Variants in PRKCZ observed in about 807,000 individuals in gnomAD.
PRKCZ encodes the protein protein kinase C zeta type.
Under a neutral mutation model 79.5 loss-of-function variants are expected in PRKCZ, and 33 were observed. That is an observed-to-expected ratio of 0.41 (90% CI 0.31 to 0.55). The LOEUF (loss-of-function observed/expected upper bound fraction) is 0.55, where lower values mean the gene tolerates loss of function less well. PRKCZ is among the 20% of genes least tolerant of loss of function. The probability of loss-of-function intolerance (pLI) is 0.19; values close to 1 mark genes in which losing one functional copy is unlikely to be tolerated. For synonymous variants in PRKCZ, 342 were observed against 320.9 expected (o/e 1.07, Z -0.70); for missense variants, 578 against 813.5 (o/e 0.71, Z 3.52).
chr1:2,081,974 T>G (rs1663618621), intron 4 of PRKCZ, among the ~76,000 whole-genome samples: 1 of 152,248 alleles, frequency 6.6e-6, no homozygotes, highest in African/African-American at 2.4e-5. Context: ...TGGGCAGTCC[T>G]CTTTTTTCGG....
chr1:2,110,940 C>G (rs1376308439), intron 4 of PRKCZ, among the ~76,000 whole-genome samples: 2 of 152,060 alleles, frequency 1.3e-5, no homozygotes, highest in African/African-American at 4.8e-5. Flanking sequence ...TGGAAGCTTG[C>G]ACACGTCCCT....
Position 2,055,515 on chromosome 1 carries a change from G to T in PRKCZ, c.146G>T (p.Arg49Leu), listed in dbSNP as rs35271800. 1.2e-5 allele frequency: 20 copies of T among 1,614,064 alleles called. No homozygotes were observed. The highest frequency in any genetic ancestry group is 1.7e-5 in the Non-Finnish European group (20 of 1,179,982). Residue 49 changes from arginine (R) to leucine (L), a missense_variant, in exon 2 of 18, where the codon CGT (arginine) becomes CTT (leucine). By Grantham distance (102) the Arg-to-Leu change is moderately radical. Transcript: ENST00000378567. ...ELCEEVRDMC[R>L]LHQQHPLTLK... ...TGTGAGGAAGTGAGAGACATGTGTC[G>T]TCTGCACCAGCAGCACCCGCTCACC...
intron 4 of PRKCZ, among the ~76,000 whole-genome samples, chr1:2,114,805 A>T (rs1670420992): frequency 6.6e-6 from 1 of 152,218 alleles, no homozygotes; most frequent in Non-Finnish European, 1.5e-5. Flanking sequence ...GAAAAAGCTA[A>T]GATGCAGCAG....
intron 16 of PRKCZ, among the ~76,000 whole-genome samples, chr1:2,176,676 C>T (rs2100441187): frequency 6.6e-6 from 1 of 152,348 alleles, no homozygotes; most frequent in South Asian, 2.1e-4. Context: ...CCAACTTTTC[C>T]AGGCAGCCTC....
chr1:2,087,816 T>TC (rs1371711442), intron 4 of PRKCZ, among the ~76,000 whole-genome samples: 5 of 151,754 alleles, frequency 3.3e-5, no homozygotes, highest in African/African-American at 1.2e-4. Context: ...TGGAAAGGAG[T>TC]CCCCGGAGGC....
At position 2,149,394 on chromosome 1, in the gene PRKCZ, C is replaced by G. The variant is rs536711478; in HGVS notation, c.687+470C>G. On this transcript the variant is annotated intron_variant, in intron 8 of 17. Transcript: ENST00000378567. The surrounding 1 kb of genome is among the most constrained non-coding windows in gnomAD (Gnocchi z 4.1). ...CTGTGGCCAGCTCTGCACCATAAAC[C>G]CTGAGAAGGGAACAGAAGAGCTTGC... is the stretch of plus-strand genomic sequence containing the variant. 6.6e-6 allele frequency among the ~76,000 whole-genome samples: 1 copy of G among 152,344 alleles called. No individual in the cohort carries two copies. Among genetic ancestry groups the G allele is most frequent in the Admixed American group, 6.5e-5 (1 of 15,314 alleles).
chr1:2,114,123 G>A (rs1034488760), intron 4 of PRKCZ, among the ~76,000 whole-genome samples: 7 of 152,106 alleles, frequency 4.6e-5, no homozygotes, highest in Non-Finnish European at 7.3e-5. Context: ...AACAGCAGAG[G>A]GCTGCACCCC....
chr1:2,166,847 C>T (rs3123594), intron 10 of PRKCZ, among the ~76,000 whole-genome samples: 15,218 of 152,274 alleles, frequency 0.1, 819 homozygotes, highest in Middle Eastern at 0.13. Flanking sequence ...TGGCCTTGCG[C>T]CCCTGCCTGA....
chr1:2,169,471 G>A (rs377227093), intron 10 of PRKCZ, 47 bp from the exon 11 acceptor site: 43 of 1,509,268 alleles, frequency 2.8e-5, no homozygotes, highest in Middle Eastern at 1.7e-4. Context: ...TAAGGAGGCC[G>A]CCGTCTGCCG....
In PRKCZ at chr1:2,135,263, A is replaced by G. The variant is rs770416703; in HGVS notation, c.336A>G (p.Lys112=). ...ACACCTTTCTCATATCCTTTCCAGA[A>G]TCTATCTACCGCCGGGGAGCCAGAA... ...QPGLPCPGED[K]SIYRRGARRW... Residue 112 remains lysine, a splice_region_variant and synonymous_variant, in exon 5 of 18, where the codon AAA becomes AAG. Transcript: ENST00000378567. The G allele has an allele frequency of 2.5e-6, 4 of 1,611,810 alleles. No homozygotes were observed. In the Admixed American group the frequency reaches 6.7e-5, roughly 27 times the overall value.
intron 4 of PRKCZ, among the ~76,000 whole-genome samples, chr1:2,121,812 ACGG>A (rs1435899646): frequency 1.5e-4 from 1 of 6,586 alleles, no homozygotes; most frequent in African/African-American, 7.7e-4. Context: ...GGTTAGGGTC[ACGG>A]TGGTGGTTAG....
chr1:2,134,003 G>A (rs1675623043), intron 4 of PRKCZ: 1 of 152,320 alleles, frequency 6.6e-6, no homozygotes, highest in South Asian at 2.1e-4. Context: ...GCGCCCAGGT[G>A]GGTGGAGTGT....
intron 10 of PRKCZ, among the ~76,000 whole-genome samples, chr1:2,158,596 C>T (rs1457617982): frequency 5.9e-5 from 9 of 152,194 alleles, no homozygotes; most frequent in Non-Finnish European, 1.0e-4. Flanking sequence ...GAAGGCAGCC[C>T]GGCCCCCCAC....
At chr1:2,126,769 G>C (rs568530126) in intron 4 of PRKCZ, among the ~76,000 whole-genome samples, 12 of 152,210 alleles carry the variant, frequency 7.9e-5, no homozygotes, top group Non-Finnish European at 1.3e-4. Flanking sequence ...CCCCTCACCC[G>C]GGGTTGCCTT....
At position 2,150,770 on chromosome 1, in the gene PRKCZ, G is replaced by A. The variant is rs756323932; in HGVS notation, c.688-20G>A. The A allele has an allele frequency of 5.6e-6, 9 of 1,606,194 alleles. No homozygotes were observed. The Admixed American group carries it at 1.4e-4, about 24-fold the overall frequency. On this transcript the variant is annotated intron_variant, in intron 8 of 17. Coordinates refer to ENST00000378567, the MANE Select transcript of PRKCZ (RefSeq NM_002744.6). ...GGGAACCCCCCTCTCACTTTCTGGG[G>A]TCTTGTTCTCCCTCCCTAGGACCTT...
chr1:2,184,562 T>TTC (rs2100591517), intron 16 of PRKCZ, 21 bp from the exon 17 acceptor site: 1 of 1,603,516 alleles, frequency 6.2e-7, no homozygotes, highest in Non-Finnish European at 8.5e-7. Flanking sequence ...GAGCTGACCC[T>TTC]TCTCCTATTG....
Position 2,171,959 on chromosome 1 carries a change from TG to T in PRKCZ, c.1062-94del. The stretch of plus-strand genomic sequence containing the variant: ...GGTCATTGAGAGGATGCCGGGCCCG[TG>T]GTGGGGCAAACGGGAGTGTGTGGCC... On this transcript the variant is annotated intron_variant, in intron 11 of 17. Transcript: ENST00000378567. 4 of 1,434,730 alleles carry T rather than the reference TG, an allele frequency of 2.8e-6. No individual in the cohort carries two copies. In the South Asian group the frequency reaches 4.1e-5, roughly 15 times the overall value. The allele number at this position is 1,434,730 out of a possible 1,614,324, so 88.9% of individuals were successfully genotyped here.
At chr1:2,120,310 T>TG in intron 4 of PRKCZ, among the ~76,000 whole-genome samples, 1 of 135,364 alleles carries the variant, frequency 7.4e-6, no homozygotes, top group Admixed American at 7.4e-5. Context: ...TTTTTTTTTT[T>TG]TTTTTTTTTT....
chr1:2,081,527 G>C (rs1254679092), intron 4 of PRKCZ, among the ~76,000 whole-genome samples: 3 of 152,240 alleles, frequency 2.0e-5, no homozygotes, highest in African/African-American at 7.2e-5. Flanking sequence ...CCCCGGTGTG[G>C]GGTGTGGGCC....
Sources: gnomAD v4.1 joint callset for allele counts (sites outside exome capture counted in the v4.1 genomes callset) on GRCh38, gnomAD v4.1.1 for gene constraint, Gnocchi (gnomAD v3.1) non-coding constraint, MANE v1.5 for transcripts, NCBI Gene and HGNC (gene_info 2026-07-23, HGNC 2026-07-21) for gene names.